ARHGAP26: variants seen among roughly 807,000 people sequenced by gnomAD.
ARHGAP26 encodes Rho GTPase activating protein 26, also known as rho GTPase-activating protein 26.
ARHGAP26 carries 38 observed loss-of-function variants against 104.8 expected under a neutral mutation model. The observed-to-expected ratio is 0.36, with a 90% CI of 0.28 to 0.48. The LOEUF is 0.48. Among genes scored for constraint, ARHGAP26 ranks in the 20% least tolerant of loss-of-function variants. The pLI, the probability that ARHGAP26 is intolerant of heterozygous loss-of-function variation, is 0.99. For synonymous variants in ARHGAP26, 341 were observed against 340.0 expected (o/e 1.00, Z -0.03); for missense variants, 704 against 947.9 (o/e 0.74, Z 3.38).
At chr5:142,900,830 A>T (rs1598155047) in intron 6 of ARHGAP26, among the ~76,000 whole-genome samples, 2 of 152,172 alleles carry the variant, frequency 1.3e-5, no homozygotes, top group Non-Finnish European at 2.9e-5. Context: ...GTGTCTTGGA[A>T]TAAGGTGGTA....
chr5:142,882,132 A>T (rs775853030), intron 4 of ARHGAP26, among the ~76,000 whole-genome samples: 22 of 152,166 alleles, frequency 1.4e-4, no homozygotes, highest in Non-Finnish European at 1.6e-4. Context: ...TAGCGTAGAG[A>T]GTGGGTCTAC....
intron 17 of ARHGAP26, among the ~76,000 whole-genome samples, chr5:143,064,083 A>G (rs977131549): frequency 1.3e-5 from 2 of 152,134 alleles, no homozygotes; most frequent in African/African-American, 2.4e-5. Flanking sequence ...CAGGTTTCCA[A>G]CATCTTTAAA....
intron 11 of ARHGAP26, chr5:143,010,998 A>T (rs374407565): frequency 6.6e-6 from 1 of 152,136 alleles, no homozygotes; most frequent in African/African-American, 2.4e-5. Flanking sequence ...GTCAGCATGG[A>T]TTGCTGGTCT....
At chr5:142,877,294 C>T (rs903310021) in intron 3 of ARHGAP26, among the ~76,000 whole-genome samples, 2 of 152,150 alleles carry the variant, frequency 1.3e-5, no homozygotes, top group Non-Finnish European at 2.9e-5. Flanking sequence ...CTCTGGGAAG[C>T]GTTTCCTGAC....
chr5:142,791,387 C>T (rs1450686153), intron 1 of ARHGAP26, among the ~76,000 whole-genome samples: 2 of 152,128 alleles, frequency 1.3e-5, no homozygotes, highest in Non-Finnish European at 1.5e-5. Context: ...TCTCTTAGGT[C>T]TCTATTGCTT....
chr5:143,184,356 A>G (rs1312310764), intron 20 of ARHGAP26, among the ~76,000 whole-genome samples: 4 of 152,176 alleles, frequency 2.6e-5, no homozygotes, highest in African/African-American at 7.2e-5. Context: ...CCGTAAAAAC[A>G]TGTATAAGGA....
chr5:142,986,001 TA>T (rs1408518148), intron 11 of ARHGAP26, among the ~76,000 whole-genome samples: 7 of 152,224 alleles, frequency 4.6e-5, no homozygotes, highest in East Asian at 1.9e-4. Context: ...GCATGATTTA[TA>T]ATTCCTTTGG....
At chr5:142,851,367 G>C (rs969438700) in intron 1 of ARHGAP26, among the ~76,000 whole-genome samples, 1 of 152,216 alleles carries the variant, frequency 6.6e-6, no homozygotes, top group African/African-American at 2.4e-5. Flanking sequence ...AAAGTGCTGG[G>C]ATTACAGGCG....
At chr5:143,203,262 A>G (rs1049260464) in intron 20 of ARHGAP26, 9 of 152,242 alleles carry the variant, frequency 5.9e-5, no homozygotes, top group Non-Finnish European at 1.0e-4. Context: ...TGGGTGAAGG[A>G]TATGAACAGA....
intron 10 of ARHGAP26, among the ~76,000 whole-genome samples, chr5:142,916,274 A>T (rs141579433): frequency 7.2e-5 from 11 of 152,356 alleles, no homozygotes; most frequent in Admixed American, 2.0e-4. Context: ...TTTATCCTTT[A>T]TACTTAATGC....
At chr5:142,852,875 G>T (rs1218743774) in intron 1 of ARHGAP26, among the ~76,000 whole-genome samples, 2 of 152,232 alleles carry the variant, frequency 1.3e-5, no homozygotes, top group East Asian at 3.8e-4. Flanking sequence ...GATTCGAGCT[G>T]CTGTCTCTGC....
At chr5:142,914,274 G>T (rs1418502828) in intron 10 of ARHGAP26, among the ~76,000 whole-genome samples, 2 of 152,220 alleles carry the variant, frequency 1.3e-5, no homozygotes, top group African/African-American at 4.8e-5. Context: ...GCCTCCCATG[G>T]AGACAGCGTG....
chr5:142,939,130 A>G (rs949899580), intron 11 of ARHGAP26, among the ~76,000 whole-genome samples: 1 of 152,106 alleles, frequency 6.6e-6, no homozygotes, highest in African/African-American at 2.4e-5. Context: ...TCATACCCTT[A>G]TTTATGGAAG....
intron 20 of ARHGAP26, among the ~76,000 whole-genome samples, chr5:143,163,457 G>A (rs1801515916): frequency 6.6e-6 from 1 of 151,084 alleles, no homozygotes; most frequent in Non-Finnish European, 1.5e-5. Context: ...TTGTTTGTTT[G>A]TTTGTTTTTT....
At chr5:142,930,746 T>A (rs1764598397) in intron 10 of ARHGAP26, among the ~76,000 whole-genome samples, 2 of 152,256 alleles carry the variant, frequency 1.3e-5, no homozygotes, top group South Asian at 4.2e-4. Context: ...CCTGTCTGTA[T>A]TTACATGCCC....
chr5:142,917,867 T>C (rs1257673359), intron 10 of ARHGAP26, among the ~76,000 whole-genome samples: 2 of 152,294 alleles, frequency 1.3e-5, no homozygotes, highest in Non-Finnish European at 2.9e-5. Flanking sequence ...ACACTCTTTT[T>C]TTTTTTAATC....
chr5:143,119,049 A>G (rs1312042971), intron 17 of ARHGAP26, among the ~76,000 whole-genome samples: 1 of 152,094 alleles, frequency 6.6e-6, no homozygotes, highest in Non-Finnish European at 1.5e-5. Flanking sequence ...AAACATTCAC[A>G]TGTGCCATGC....
chr5:142,901,654 A>C (rs1760359585), intron 6 of ARHGAP26, among the ~76,000 whole-genome samples: 1 of 152,200 alleles, frequency 6.6e-6, no homozygotes, highest in Non-Finnish European at 1.5e-5. Flanking sequence ...TCTGGCTGCC[A>C]CTTACTGTGT....
intron 1 of ARHGAP26, among the ~76,000 whole-genome samples, chr5:142,797,279 A>T (rs1761173290): frequency 6.6e-6 from 1 of 152,220 alleles, no homozygotes; most frequent in South Asian, 2.1e-4. Context: ...TAAAGGACTG[A>T]TTTTCAGCAT....
Sources: allele counts gnomAD v4.1 joint callset (sites outside exome capture counted in the v4.1 genomes callset), GRCh38; gene constraint gnomAD v4.1.1; transcripts MANE v1.5; gene names NCBI Gene and HGNC (gene_info 2026-07-23, HGNC 2026-07-21).